SIN3B: variants seen among roughly 807,000 people sequenced by gnomAD.
SIN3B encodes paired amphipathic helix protein Sin3b.
In SIN3B, 19 loss-of-function variants were observed where a neutral mutation model predicts 120.2. The observed-to-expected ratio is 0.16, with a 90% CI of 0.11 to 0.23. The LOEUF is 0.23. Among genes scored for constraint, SIN3B ranks in the 10% least tolerant of loss-of-function variants. SIN3B has a pLI of 1.00. For missense variants in SIN3B, 1,073 were observed against 1,573.0 expected (o/e 0.68, Z 5.38); for synonymous variants, 654 against 653.2 (o/e 1.00, Z -0.02).
chr19:16,874,542 CTGGTT>C (rs1365502085), intron 14 of SIN3B, among the ~76,000 whole-genome samples: 12 of 147,272 alleles, frequency 8.1e-5, no homozygotes, highest in Admixed American at 4.1e-4. Context: ...CTGGTCTGGT[CTGGTT>C]TGGTTTGGTT....
chr19:16,868,059 A>G (rs1257355080), intron 12 of SIN3B, among the ~76,000 whole-genome samples: 6 of 152,212 alleles, frequency 3.9e-5, no homozygotes, highest in Non-Finnish European at 5.9e-5. Flanking sequence ...ATGAATTCCA[A>G]AGTCAGAACC....
Position 16,865,519 on chromosome 19 carries a change from A to T in SIN3B, c.1493A>T (p.Asp498Val). 6.2e-7 allele frequency: 1 copy of T among 1,603,492 alleles called. No homozygotes were observed. The highest frequency in any genetic ancestry group is 1.4e-5 in the African/African-American group (1 of 71,136). Residue 498 changes from aspartate (D) to valine (V), a missense_variant, in exon 11 of 19, where the codon GAC becomes GTC. Transcript: ENST00000248054. Reference sequence around the variant, plus strand: ...GACCAGGAGAAGTTCCGGCTGGACGACTCCCTGGGAGGCACGTCGGAGGTG... The same window carrying T: ...GACCAGGAGAAGTTCCGGCTGGACGTCTCCCTGGGAGGCACGTCGGAGGTG... ...PEDQEKFRLD[D>V]SLGGTSEVIQ...
chr19:16,850,980 C>T (rs1293976576), intron 5 of SIN3B, among the ~76,000 whole-genome samples: 1 of 152,242 alleles, frequency 6.6e-6, no homozygotes, highest in Non-Finnish European at 1.5e-5. Context: ...AAGGCCCCCA[C>T]CAGTGCCCTG....
At chr19:16,875,307 T>C (rs564542946) in intron 14 of SIN3B, among the ~76,000 whole-genome samples, 42 of 143,444 alleles carry the variant, frequency 2.9e-4, no homozygotes, top group Admixed American at 6.9e-4. Context: ...TTGGTCTGGT[T>C]TGGGTCTGGT....
intron 10 of SIN3B, 76 bp from the exon 11 acceptor site, chr19:16,865,334 T>G: frequency 3.6e-6 from 2 of 549,198 alleles, no homozygotes; most frequent in Non-Finnish European, 6.2e-6. Flanking sequence ...TCCTCTGGTC[T>G]CTGAGGTCCC....
chr19:16,832,431 C>A (rs1971291171), intron 3 of SIN3B, among the ~76,000 whole-genome samples: 1 of 151,476 alleles, frequency 6.6e-6, no homozygotes, highest in Non-Finnish European at 1.5e-5. Context: ...CTCCTGACCT[C>A]AAGTGATCTG....
At chr19:16,855,100 C>T (rs1971594312) in intron 8 of SIN3B, 1 of 152,022 alleles carries the variant, frequency 6.6e-6, no homozygotes, top group African/African-American at 2.4e-5. Flanking sequence ...CTCACACAAC[C>T]CCCGTTCTTT....
At chr19:16,861,763 CAAAAAAAA>C (rs959913779) in intron 8 of SIN3B, among the ~76,000 whole-genome samples, 1 of 74,494 alleles carries the variant, frequency 1.3e-5, no homozygotes, top group Non-Finnish European at 2.6e-5. Flanking sequence ...AACTCTGTCT[CAAAAAAAA>C]AAAAAAAAAA....
rs1467458792 is a variant in SIN3B, at chr19:16,876,067, G to A, written c.2605G>A (p.Val869Met). The A allele has an allele frequency of 3.8e-6, 6 of 1,563,078 alleles. No homozygotes were observed. Among genetic ancestry groups the A allele is most frequent in the African/African-American group, 2.7e-5 (2 of 74,086 alleles). ...TTCCTCCCGCCAGCTGCACCACCTC[G>A]TGAGCGATGACGTCTGCCTGAAGGT... ...QNIARQLHHL[V>M]SDDVCLKVVE... is the part of the protein sequence containing the mutation. The change falls in exon 15 of 19, where the codon GTG (valine) becomes ATG (methionine). Residue 869 changes from valine (V) to methionine (M), a missense_variant. Physicochemically the swap from Val to Met is conservative, Grantham distance 21 (BLOSUM62 1). This residue lies in a region of SIN3B where 311 missense variants were observed against 400.3 expected (regional missense o/e 0.78). Transcript: ENST00000248054. This position sits in a 1 kb window ranked among gnomAD's most constrained non-coding sequence, Gnocchi z 7.1.
Position 16,866,358 on chromosome 19 carries a change from C to T in SIN3B, c.1623-15C>T. The T allele has an allele frequency of 6.2e-7, 1 of 1,606,088 alleles. No individual in the cohort carries two copies. The highest frequency in any genetic ancestry group is 8.5e-7 in the Non-Finnish European group (1 of 1,175,682). ...CCTGGCTTGTCCCTGGTGCTGACCTCTCTTCCCCCCGCAGACTGAAGGCCA... is the reference window on the plus strand; with the variant it reads ...CCTGGCTTGTCCCTGGTGCTGACCTTTCTTCCCCCCGCAGACTGAAGGCCA... On this transcript the variant is annotated splice_polypyrimidine_tract_variant and intron_variant, in intron 11 of 18. Coordinates refer to ENST00000248054, the MANE Select transcript of SIN3B (RefSeq NM_001297595.2).
At position 16,869,829 on chromosome 19, in the gene SIN3B, C is replaced by A; in HGVS notation, c.2176C>A (p.Pro726Thr). The A allele has an allele frequency of 6.2e-7, 1 of 1,613,980 alleles. No homozygotes were observed. The highest frequency in any genetic ancestry group is 8.5e-7 in the Non-Finnish European group (1 of 1,179,988). The stretch of plus-strand genomic sequence containing the variant: ...GGATGCCCCGGCCACTGAGCAGCCA[C>A]CCCTGCCGCCCCCAGCCCCGCACAA... ...FGDAPATEQP[P>T]LPPPAPHKPL... The change falls in exon 13 of 19, where the codon CCC (proline) becomes ACC (threonine). Residue 726 changes from proline (P) to threonine (T), a missense_variant. By Grantham distance (38) the Pro-to-Thr change is conservative. Transcript: ENST00000248054.
intron 4 of SIN3B, among the ~76,000 whole-genome samples, chr19:16,845,311 C>A (rs892175299): frequency 6.6e-6 from 1 of 152,202 alleles, no homozygotes; most frequent in Non-Finnish European, 1.5e-5. Context: ...GAGTCTCTTT[C>A]ACCCAGGCTG....
chr19:16,856,211 CTCGTA>C (rs1168558164), intron 8 of SIN3B, among the ~76,000 whole-genome samples: 1 of 152,142 alleles, frequency 6.6e-6, no homozygotes, highest in Non-Finnish European at 1.5e-5. Flanking sequence ...ACTGCGCACA[CTCGTA>C]TCCATTCTCG....
At chr19:16,859,777 T>A (rs1371817490) in intron 8 of SIN3B, among the ~76,000 whole-genome samples, 1 of 152,170 alleles carries the variant, frequency 6.6e-6, no homozygotes. Context: ...TCCACTGGGC[T>A]TAGAATCCAG....
chr19:16,829,568 G>A, intron 1 of SIN3B, 28 bp downstream of exon 1: 2 of 1,245,394 alleles, frequency 1.6e-6, no homozygotes, highest in Non-Finnish European at 2.0e-6. Context: ...CCTCCCTCGG[G>A]GAACCCATCT....
At chr19:16,858,554 C>A (rs62128036) in intron 8 of SIN3B, among the ~76,000 whole-genome samples, 1 of 151,932 alleles carries the variant, frequency 6.6e-6, no homozygotes, top group East Asian at 1.9e-4. Context: ...GTTTCAATAC[C>A]GTTTCTAGTC....
rs376255592 is a variant in SIN3B, at chr19:16,878,687, G to A, written c.3353G>A (p.Arg1118His). The A allele has an allele frequency of 6.2e-6, 10 of 1,611,446 alleles. No individual in the cohort carries two copies. Among genetic ancestry groups the A allele is most frequent in the South Asian group, 4.4e-5 (4 of 90,858 alleles). Residue 1118 changes from arginine to histidine, a missense_variant, in exon 19 of 19, where the codon CGC (arginine) becomes CAC (histidine). Coordinates refer to ENST00000248054, the MANE Select transcript of SIN3B (RefSeq NM_001297595.2). ...CACGTGCACGGCCTGCCCGTGACCC[G>A]CTACCGCGTGCAGTACAGCCGCCGC... ...TVHVHGLPVT[R>H]YRVQYSRRPA...
intron 14 of SIN3B, 154 bp downstream of exon 14, chr19:16,871,552 C>G (rs2051511910): frequency 4.5e-6 from 3 of 668,186 alleles, no homozygotes; most frequent in Non-Finnish European, 7.5e-6. Context: ...TAAAATTAAC[C>G]ATTTTGAAGT....
rs1237432372 is a variant in SIN3B, at chr19:16,831,650, A to G, written c.381+3A>G. The G allele has an allele frequency of 1.2e-6, 2 of 1,613,694 alleles. No individual in the cohort carries two copies. Among genetic ancestry groups the G allele is most frequent in the Non-Finnish European group, 1.7e-6 (2 of 1,179,780 alleles). On this transcript the variant is annotated splice_donor_region_variant and intron_variant, in intron 3 of 18. Transcript: ENST00000248054. ...TACAGTCGCCTCTGACAAGCCAGGT[A>G]TGCCACTACAGTGGTTCGGGTGATC... is the stretch of plus-strand genomic sequence containing the variant.
Sources: gnomAD v4.1 joint callset for allele counts (sites outside exome capture counted in the v4.1 genomes callset) on GRCh38, gnomAD v4.1.1 for gene constraint, gnomAD v4.1.1 regional missense constraint, Gnocchi (gnomAD v3.1) non-coding constraint, MANE v1.5 for transcripts, NCBI Gene and HGNC (gene_info 2026-07-23, HGNC 2026-07-21) for gene names.